Variants in UBTD2 observed in about 807,000 individuals in gnomAD.
UBTD2 encodes the protein ubiquitin domain-containing protein 2.
Under a neutral mutation model 19.8 loss-of-function variants are expected in UBTD2, and 9 were observed. The ratio of observed to expected loss-of-function variants is 0.46; its 90% confidence interval spans 0.27 to 0.79. The LOEUF is 0.79. Ranked by LOEUF, UBTD2 falls within the 30% of genes least tolerant of loss-of-function variation. The pLI is 0.14. For synonymous variants in UBTD2, 98 were observed against 103.9 expected (o/e 0.94, Z 0.35); for missense variants, 250 against 300.4 (o/e 0.83, Z 1.24).
chr5:172,273,161 A>G (rs1755533603), intron 1 of UBTD2, among the ~76,000 whole-genome samples: 1 of 152,194 alleles, frequency 6.6e-6, no homozygotes, highest in Admixed American at 6.5e-5. Context: ...AAAAGTTAGA[A>G]GAGTAAAAAT....
At chr5:172,214,347 T>A (rs1050236316) in intron 2 of UBTD2, among the ~76,000 whole-genome samples, 30 of 152,250 alleles carry the variant, frequency 2.0e-4, no homozygotes, top group Admixed American at 1.4e-3. Flanking sequence ...GTCTGCCTTC[T>A]AAGTTACATA....
intron 2 of UBTD2, among the ~76,000 whole-genome samples, chr5:172,222,935 C>T (rs546412008): frequency 7.9e-5 from 12 of 152,086 alleles, no homozygotes; most frequent in Non-Finnish European, 1.6e-4. Context: ...TAAGGTTGTG[C>T]TGGTGAACAA....
At chr5:172,237,923 CTTAAATG>C (rs1438167545) in intron 1 of UBTD2, among the ~76,000 whole-genome samples, 1 of 152,200 alleles carries the variant, frequency 6.6e-6, no homozygotes, top group Non-Finnish European at 1.5e-5. Flanking sequence ...CAATCCCTTC[CTTAAATG>C]TTAAAGAAAT....
At chr5:172,224,700 T>A (rs1229318082) in intron 2 of UBTD2, among the ~76,000 whole-genome samples, 1 of 152,204 alleles carries the variant, frequency 6.6e-6, no homozygotes, top group Non-Finnish European at 1.5e-5. Context: ...TTCCCCATCA[T>A]GATTGTAAGT....
At chr5:172,214,639 C>T (rs1040863030) in intron 2 of UBTD2, among the ~76,000 whole-genome samples, 23 of 152,212 alleles carry the variant, frequency 1.5e-4, no homozygotes, top group Admixed American at 1.3e-3. Context: ...TACTCATGCT[C>T]TGCCAGTGCT....
Position 172,234,215 on chromosome 5 carries a change from C to T in UBTD2, c.214G>A (p.Asp72Asn), listed in dbSNP as rs1771963851. 1 of 1,614,184 alleles carries T rather than the reference C, an allele frequency of 6.2e-7. No homozygotes were observed. Among genetic ancestry groups the T allele is most frequent in the South Asian group, 1.1e-5 (1 of 91,084 alleles). Residue 72 changes from aspartate (D) to asparagine (N), a missense_variant, in exon 2 of 3, where the codon GAT becomes AAT. Transcript: ENST00000393792. ...GCATGTGCAGCAGCCTTCAAGGCAT[C>T]CCAAATCTCTTTCCGGCCTTCAAAA... ...PAFEGRKEIWDALKAAAHAFE... is the reference protein window; with the variant it reads ...PAFEGRKEIWNALKAAAHAFE...
chr5:172,255,257 C>G (rs969130638), intron 1 of UBTD2: 4 of 459,562 alleles, frequency 8.7e-6, no homozygotes, highest in South Asian at 7.2e-5. Flanking sequence ...TCCACTGGCT[C>G]CATCTGTATT....
intron 1 of UBTD2, among the ~76,000 whole-genome samples, chr5:172,251,967 C>T (rs114634505): frequency 0.018 from 2,789 of 152,232 alleles, 72 homozygotes; most frequent in African/African-American, 0.064. Flanking sequence ...TTTCATAGGA[C>T]TGTTATAAAG....
At chr5:172,244,030 A>C (rs1394075897) in intron 1 of UBTD2, among the ~76,000 whole-genome samples, 1 of 152,002 alleles carries the variant, frequency 6.6e-6, no homozygotes, top group Non-Finnish European at 1.5e-5. Flanking sequence ...GCATGAAGGA[A>C]ACATTGATCT....
intron 1 of UBTD2, among the ~76,000 whole-genome samples, chr5:172,252,146 G>T (rs895793251): frequency 3.9e-5 from 6 of 152,170 alleles, no homozygotes; most frequent in African/African-American, 1.4e-4. Context: ...CTCTTAACCA[G>T]GACTATTCTG....
intron 1 of UBTD2, among the ~76,000 whole-genome samples, chr5:172,239,032 A>C (rs1246616384): frequency 6.6e-6 from 1 of 152,214 alleles, no homozygotes; most frequent in Non-Finnish European, 1.5e-5. Flanking sequence ...ATATACACAC[A>C]TATATACATA....
intron 1 of UBTD2, among the ~76,000 whole-genome samples, chr5:172,240,633 C>G (rs1324853092): frequency 2.6e-5 from 4 of 152,120 alleles, no homozygotes; most frequent in African/African-American, 9.7e-5. Context: ...CTTTTCCCCC[C>G]ACTTTTTTTT....
intron 2 of UBTD2, among the ~76,000 whole-genome samples, chr5:172,225,611 A>T (rs1336003949): frequency 6.6e-6 from 1 of 152,220 alleles, no homozygotes; most frequent in African/African-American, 2.4e-5. Context: ...CTACATGAAC[A>T]GGTTTGTAAA....
chr5:172,232,263 A>T (rs1220062756), intron 2 of UBTD2, among the ~76,000 whole-genome samples: 3 of 151,400 alleles, frequency 2.0e-5, no homozygotes, highest in Non-Finnish European at 4.4e-5. Flanking sequence ...ACAGAGTGAG[A>T]CCCTGTCTCA....
At chr5:172,279,963 C>T (rs1169928480) in intron 1 of UBTD2, among the ~76,000 whole-genome samples, 5 of 152,012 alleles carry the variant, frequency 3.3e-5, no homozygotes, top group South Asian at 2.1e-4. Flanking sequence ...TAGCCAGGCA[C>T]GGTGGCGCAC....
chr5:172,249,560 A>G (rs1754949177), intron 1 of UBTD2, among the ~76,000 whole-genome samples: 1 of 152,168 alleles, frequency 6.6e-6, no homozygotes, highest in South Asian at 2.1e-4. Context: ...AATATCCCTT[A>G]AGATATACGC....
chr5:172,227,364 AATGAT>A (rs1288435964), intron 2 of UBTD2, among the ~76,000 whole-genome samples: 1 of 152,170 alleles, frequency 6.6e-6, no homozygotes. Flanking sequence ...GAGAGAGAAA[AATGAT>A]ATAACATTTA....
At chr5:172,218,195 A>C (rs1490571955) in intron 2 of UBTD2, among the ~76,000 whole-genome samples, 1 of 152,226 alleles carries the variant, frequency 6.6e-6, no homozygotes, top group African/African-American at 2.4e-5. Flanking sequence ...GAAAATCCAT[A>C]ATACATGGAT....
At chr5:172,212,706 C>G (rs147090064) in intron 2 of UBTD2, among the ~76,000 whole-genome samples, 1 of 152,236 alleles carries the variant, frequency 6.6e-6, no homozygotes, top group African/African-American at 2.4e-5. Context: ...GCTGTGTTGC[C>G]CAGGCTGGAG....
Sources: gnomAD v4.1 joint callset for allele counts (sites outside exome capture counted in the v4.1 genomes callset) on GRCh38, gnomAD v4.1.1 for gene constraint, MANE v1.5 for transcripts, NCBI Gene and HGNC (gene_info 2026-07-23, HGNC 2026-07-21) for gene names.